ARF4: variants seen among roughly 807,000 people sequenced by gnomAD.
ARF4 encodes ARF GTPase 4, also known as ADP-ribosylation factor 4.
In ARF4, 5 loss-of-function variants were observed where a neutral mutation model predicts 24.3. The observed-to-expected ratio is 0.21, with a 90% CI of 0.11 to 0.43. ARF4 has a LOEUF of 0.43. Ranked by LOEUF, ARF4 falls within the 20% of genes least tolerant of loss-of-function variation. The probability of loss-of-function intolerance (pLI) is 1.00; values close to 1 mark genes in which losing one functional copy is unlikely to be tolerated. For missense variants in ARF4, 107 were observed against 213.0 expected (o/e 0.50, Z 3.10); for synonymous variants, 62 against 73.5 (o/e 0.84, Z 0.80).
intron 2 of ARF4, 100 bp downstream of exon 2, chr3:57,584,284 A>G (rs1018590262): frequency 8.8e-7 from 1 of 1,138,152 alleles, no homozygotes; most frequent in African/African-American, 1.5e-5. Context: ...TACTTCTAAG[A>G]TAATCAACAT....
intron 3 of ARF4, among the ~76,000 whole-genome samples, chr3:57,580,555 C>T (rs916097820): frequency 1.3e-5 from 2 of 151,878 alleles, no homozygotes; most frequent in African/African-American, 4.8e-5. Flanking sequence ...GAGTATGCCA[C>T]CATGCCCAGG....
chr3:57,579,232 C>T (rs1349894043), intron 3 of ARF4, among the ~76,000 whole-genome samples: 3 of 77,852 alleles, frequency 3.9e-5, no homozygotes, highest in African/African-American at 4.8e-5. Context: ...CCAGCCTGGG[C>T]GACAAGAGCA....
chr3:57,591,260 GA>G (rs79370832), intron 1 of ARF4, among the ~76,000 whole-genome samples: 20,287 of 152,112 alleles, frequency 0.13, 1,441 homozygotes, highest in South Asian at 0.21. Context: ...ACTTGTTCAT[GA>G]ATGTTGAAGA....
Position 57,585,515 on chromosome 3 carries a change from AAAC to A in ARF4, c.68-1054_68-1052del, listed in dbSNP as rs558327729. On this transcript the variant is annotated intron_variant, in intron 1 of 5. Transcript: ENST00000303436. ...ATGGCCCTATCACATTACCTAATGT[AAAC>A]AACGAGTTAATGGGTGCAGCACACC... Among the ~76,000 whole-genome samples the A allele has an allele frequency of 1.1e-4, 17 of 152,334 alleles. No individual in the cohort carries two copies. The South Asian group carries it at 1.2e-3, about 11-fold the overall frequency.
intron 1 of ARF4, among the ~76,000 whole-genome samples, chr3:57,592,735 G>A (rs1263573546): frequency 6.6e-6 from 1 of 152,082 alleles, no homozygotes; most frequent in Non-Finnish European, 1.5e-5. Context: ...CAGGATTTTT[G>A]CCTTTTCTGT....
chr3:57,583,497 A>C (rs1025505207), intron 3 of ARF4, among the ~76,000 whole-genome samples: 3 of 152,214 alleles, frequency 2.0e-5, no homozygotes, highest in African/African-American at 7.2e-5. Flanking sequence ...AACTGACTTT[A>C]CTGTATTTAA....
chr3:57,593,356 TA>T (rs1177598839), intron 1 of ARF4, among the ~76,000 whole-genome samples: 1 of 152,118 alleles, frequency 6.6e-6, no homozygotes, highest in Non-Finnish European at 1.5e-5. Context: ...AGGAAAAACA[TA>T]AAAAAATTAC....
At chr3:57,587,486 T>C (rs1397546294) in intron 1 of ARF4, among the ~76,000 whole-genome samples, 7 of 152,038 alleles carry the variant, frequency 4.6e-5, no homozygotes, top group Admixed American at 4.6e-4. Flanking sequence ...GAATACTGTA[T>C]GAATAATTAT....
At chr3:57,582,127 G>T (rs1021892135) in intron 3 of ARF4, among the ~76,000 whole-genome samples, 4 of 152,110 alleles carry the variant, frequency 2.6e-5, no homozygotes, top group Non-Finnish European at 2.9e-5. Context: ...CAAGAATTTC[G>T]GATAAGGAAT....
At chr3:57,579,253 C>A (rs371725688) in intron 3 of ARF4, among the ~76,000 whole-genome samples, 8 of 47,610 alleles carry the variant, frequency 1.7e-4, no homozygotes, top group Non-Finnish European at 2.1e-4. Context: ...AACTACATCT[C>A]AAAAAAAAAA....
In ARF4 at chr3:57,577,397, A is replaced by T. The variant is rs1358440997; in HGVS notation, c.259-10T>A. On this transcript the variant is annotated splice_polypyrimidine_tract_variant and intron_variant, in intron 3 of 5. Transcript: ENST00000303436. ...CCACAAAAATAAGACCCTGGGGAAA[A>T]ATTGTTTCAGTAAATTTTAACAGTT... 1 of 1,612,518 alleles carries T rather than the reference A, an allele frequency of 6.2e-7. No individual in the cohort carries two copies. Among genetic ancestry groups the T allele is most frequent in the African/African-American group, 1.3e-5 (1 of 74,980 alleles).
At chr3:57,579,070 GTGGATCACC>G (rs2069940201) in intron 3 of ARF4, among the ~76,000 whole-genome samples, 1 of 151,832 alleles carries the variant, frequency 6.6e-6, no homozygotes, top group South Asian at 2.1e-4. Flanking sequence ...GCCGAGGCAG[GTGGATCACC>G]TGAGATCAGG....
Position 57,582,363 on chromosome 3 carries a change from C to T in ARF4, c.258+1535G>A, listed in dbSNP as rs573811398. ...GTTCAAGTGATTCTCCTGCCTCAGC[C>T]TCCTGAGTAGCTGGGATCACAGGTG... is the stretch of plus-strand genomic sequence containing the variant. On this transcript the variant is annotated intron_variant, in intron 3 of 5. Coordinates refer to ENST00000303436, the MANE Select transcript of ARF4 (RefSeq NM_001660.4). Among the ~76,000 whole-genome samples, 14 of 152,092 alleles carry T rather than the reference C, an allele frequency of 9.2e-5. No individual in the cohort carries two copies. In the South Asian group the frequency reaches 2.9e-3, roughly 32 times the overall value.
At chr3:57,587,048 G>A (rs1425877126) in intron 1 of ARF4, among the ~76,000 whole-genome samples, 1 of 152,140 alleles carries the variant, frequency 6.6e-6, no homozygotes, top group African/African-American at 2.4e-5. Flanking sequence ...GCCTGGCGCT[G>A]TGGCTCATGC....
intron 3 of ARF4, among the ~76,000 whole-genome samples, chr3:57,580,501 A>G (rs748709818): frequency 7.9e-5 from 12 of 152,178 alleles, no homozygotes; most frequent in Non-Finnish European, 1.8e-4. Context: ...TCCTGTGCTC[A>G]GGTGATCCTC....
chr3:57,594,194 G>A (rs6779694), intron 1 of ARF4, among the ~76,000 whole-genome samples: 152,036 of 152,328 alleles, frequency 1, 75,873 homozygotes, highest in Non-Finnish European at 1. Flanking sequence ...ATTGCACTCT[G>A]GCCTGGGAGA....
At chr3:57,586,705 A>C (rs1484502126) in intron 1 of ARF4, among the ~76,000 whole-genome samples, 1 of 152,134 alleles carries the variant, frequency 6.6e-6, no homozygotes, top group East Asian at 1.9e-4. Flanking sequence ...GAACATTATC[A>C]AAAAAATCAG....
At chr3:57,576,781 G>A (rs759612587) in intron 4 of ARF4, among the ~76,000 whole-genome samples, 2 of 152,048 alleles carry the variant, frequency 1.3e-5, no homozygotes, top group Non-Finnish European at 2.9e-5. Context: ...TGGGAAGGCT[G>A]CAAAATGCCA....
intron 4 of ARF4, among the ~76,000 whole-genome samples, chr3:57,577,082 C>T (rs532363755): frequency 1.3e-5 from 2 of 151,966 alleles, no homozygotes; most frequent in Non-Finnish European, 2.9e-5. Flanking sequence ...CACTGCTCTG[C>T]CTTCCTCCCA....
Sources: gnomAD v4.1 joint callset for allele counts (sites outside exome capture counted in the v4.1 genomes callset) on GRCh38, gnomAD v4.1.1 for gene constraint, MANE v1.5 for transcripts, NCBI Gene and HGNC (gene_info 2026-07-23, HGNC 2026-07-21) for gene names.